The following COL14A1 variants were observed in gnomAD, a reference collection of about 807,000 sequenced individuals.
COL14A1 encodes the protein collagen type XIV alpha 1 chain, also known as collagen alpha-1(XIV) chain.
COL14A1 carries 136 observed loss-of-function variants against 230.3 expected under a neutral mutation model. The observed-to-expected ratio is 0.59, with a 90% confidence interval of 0.51 to 0.68. COL14A1 has a LOEUF of 0.68. Ranked by LOEUF, COL14A1 falls within the 30% of genes least tolerant of loss-of-function variation. The probability of loss-of-function intolerance (pLI) is 0.00; values close to 1 mark genes in which losing one functional copy is unlikely to be tolerated. For missense variants in COL14A1, 1,976 were observed against 2,215.8 expected (o/e 0.89, Z 2.17); for synonymous variants, 792 against 784.1 (o/e 1.01, Z -0.17).
chr8:120,311,590 T>C (rs1375836204), intron 37 of COL14A1, among the ~76,000 whole-genome samples: 1 of 152,178 alleles, frequency 6.6e-6, no homozygotes, highest in East Asian at 1.9e-4. Flanking sequence ...TGTCCACCAA[T>C]GTGGACAGTG....
intron 38 of COL14A1, 41 bp downstream of exon 38, chr8:120,314,068 C>A: frequency 7.2e-7 from 1 of 1,392,422 alleles, no homozygotes; most frequent in Middle Eastern, 1.9e-4. Flanking sequence ...TTATTGTTAT[C>A]TCTTTTCCAT....
At chr8:120,294,918 A>G (rs1820478321) in intron 34 of COL14A1, among the ~76,000 whole-genome samples, 2 of 151,876 alleles carry the variant, frequency 1.3e-5, no homozygotes, top group South Asian at 2.1e-4. Flanking sequence ...GAATAAATAA[A>G]TTGAGCTCCT....
intron 5 of COL14A1, among the ~76,000 whole-genome samples, chr8:120,190,670 G>A (rs1305974352): frequency 6.6e-6 from 1 of 152,098 alleles, no homozygotes; most frequent in African/African-American, 2.4e-5. Context: ...AATCCATCTG[G>A]TCCTGGACTC....
chr8:120,262,922 A>G lies in COL14A1; in HGVS notation c.2924A>G (p.Tyr975Cys), dbSNP rs1819385557. Residue 975 changes from tyrosine to cysteine, a missense_variant, in exon 24 of 48, where the codon TAT (tyrosine) becomes TGT (cysteine). Around this residue, in one of 3 missense-constraint regions of COL14A1, gnomAD observed 1,791 missense variants for 2,019.5 expected, o/e 0.89. Transcript: ENST00000297848. ...VGGGTTRHCF[Y>C]GLQPDSEYKI... Reference sequence around the variant, plus strand: ...GGAGGGACAACCAGGCATTGCTTCTATGGACTTCAGCCTGATTCTGAATAT... The same window carrying G: ...GGAGGGACAACCAGGCATTGCTTCTGTGGACTTCAGCCTGATTCTGAATAT... The G allele has an allele frequency of 6.2e-7, 1 of 1,613,730 alleles. No homozygotes were observed.
At chr8:120,242,663 C>T (rs1246073714) in intron 19 of COL14A1, among the ~76,000 whole-genome samples, 1 of 150,506 alleles carries the variant, frequency 6.6e-6, no homozygotes, top group Non-Finnish European at 1.5e-5. Context: ...TAAATATCTC[C>T]TTCTCAGGAC....
At chr8:120,332,759 C>A in intron 42 of COL14A1, 24 bp downstream of exon 42, 1 of 1,584,936 alleles carries the variant, frequency 6.3e-7, no homozygotes, top group South Asian at 1.1e-5. Flanking sequence ...GGTAGCTGCT[C>A]AGAATGTAGG....
At chr8:120,263,719 G>T (rs948196555) in intron 24 of COL14A1, among the ~76,000 whole-genome samples, 3 of 152,056 alleles carry the variant, frequency 2.0e-5, no homozygotes, top group Non-Finnish European at 4.4e-5. Context: ...ATTTGTGTCT[G>T]AATAGGTGTT....
At chr8:120,334,583 A>AGCACACACACACAC (rs879641726) in intron 42 of COL14A1, among the ~76,000 whole-genome samples, 2 of 108,846 alleles carry the variant, frequency 1.8e-5, no homozygotes, top group Non-Finnish European at 4.2e-5. Context: ...TTCACACACA[A>AGCACACACACACAC]AAACACACAC....
At position 120,373,468 on chromosome 8, in the gene COL14A1, G is replaced by A. The variant is rs960492394; in HGVS notation, c.*2237G>A. Among the ~76,000 whole-genome samples, 1 of 152,136 alleles carries A rather than the reference G, an allele frequency of 6.6e-6. No individual in the cohort carries two copies. The highest frequency in any genetic ancestry group is 2.4e-5 in the African/African-American group (1 of 41,430). ...GCCTGTAATAAAAGCTGATTCTGAA[G>A]TGCATTTTTCTTGACTTACTTTGGC... On this transcript the variant is annotated 3_prime_UTR_variant, in exon 48 of 48. Transcript: ENST00000297848.
intron 34 of COL14A1, among the ~76,000 whole-genome samples, chr8:120,295,687 A>T (rs974397917): frequency 5.3e-5 from 8 of 151,898 alleles, no homozygotes; most frequent in African/African-American, 1.7e-4. Flanking sequence ...CAAATCAATT[A>T]TGAGAAAGCT....
At chr8:120,332,084 A>G (rs1479519743) in intron 40 of COL14A1, 57 bp from the exon 41 acceptor site, 1 of 1,497,824 alleles carries the variant, frequency 6.7e-7, no homozygotes, top group Non-Finnish European at 9.3e-7. Context: ...AAATGAGCCC[A>G]TTCTGAAAGC....
chr8:120,264,673 AAGTTTTAAAGT>A, intron 24 of COL14A1, among the ~76,000 whole-genome samples: 1 of 152,090 alleles, frequency 6.6e-6, no homozygotes, highest in East Asian at 1.9e-4. Flanking sequence ...ATACTTTTTT[AAGTTTTAAAGT>A]AGTTTTTGAA....
chr8:120,199,800 A>C (rs545726358), intron 8 of COL14A1, among the ~76,000 whole-genome samples: 124 of 151,526 alleles, frequency 8.2e-4, no homozygotes, highest in Non-Finnish European at 9.9e-4. Context: ...GAGGTGTCAT[A>C]TATAAAATGC....
rs77975774 is a variant in COL14A1, at chr8:120,319,183, G to T, written c.4659+3186G>T. Among the ~76,000 whole-genome samples, 390 of 151,824 alleles carry T rather than the reference G, an allele frequency of 2.6e-3. 1 individual carries two copies. Among genetic ancestry groups the T allele is most frequent in the African/African-American group, 8.8e-3 (364 of 41,400 alleles). ...TTTAATTTTAATTTTTAGAGATAAG[G>T]TCTCCCTCTGTGGCCCAGGCTGGAG... On this transcript the variant is annotated intron_variant, in intron 40 of 47. Transcript: ENST00000297848.
At chr8:120,356,207 C>A (rs996534674) in intron 45 of COL14A1, among the ~76,000 whole-genome samples, 6 of 152,204 alleles carry the variant, frequency 3.9e-5, no homozygotes, top group Non-Finnish European at 8.8e-5. Flanking sequence ...TATTAAGCAA[C>A]TATGTGTCAA....
chr8:120,179,476 T>C (rs1327969413), intron 5 of COL14A1, among the ~76,000 whole-genome samples: 1 of 152,088 alleles, frequency 6.6e-6, no homozygotes, highest in Non-Finnish European at 1.5e-5. Context: ...GGAATACAAC[T>C]TACAAGGGAT....
chr8:120,202,646 A>C (rs1246851421), intron 8 of COL14A1, among the ~76,000 whole-genome samples: 1 of 152,122 alleles, frequency 6.6e-6, no homozygotes, highest in Admixed American at 6.6e-5. Context: ...AGTATAAAAT[A>C]GGGGAACAAT....
chr8:120,197,975 G>A, intron 7 of COL14A1, 45 bp downstream of exon 7: 1 of 1,588,944 alleles, frequency 6.3e-7, no homozygotes, highest in African/African-American at 1.3e-5. Context: ...TCTTTTTGAA[G>A]AATAATTGTA....
At chr8:120,184,796 A>C (rs972868544) in intron 5 of COL14A1, among the ~76,000 whole-genome samples, 1 of 152,180 alleles carries the variant, frequency 6.6e-6, no homozygotes, top group Non-Finnish European at 1.5e-5. Flanking sequence ...AGCTCAAGGC[A>C]GTCAGGCAGG....
Sources: gnomAD v4.1 joint callset for allele counts (sites outside exome capture counted in the v4.1 genomes callset) on GRCh38, gnomAD v4.1.1 for gene constraint, gnomAD v4.1.1 regional missense constraint, MANE v1.5 for transcripts, NCBI Gene and HGNC (gene_info 2026-07-23, HGNC 2026-07-21) for gene names.